The following CXADR variants were observed in gnomAD, a reference collection of about 807,000 sequenced individuals.
The protein encoded by CXADR is coxsackievirus and adenovirus receptor.
A neutral mutation model predicts 40.3 loss-of-function variants in CXADR; 20 were observed. The ratio of observed to expected loss-of-function variants is 0.50; its 90% CI spans 0.35 to 0.72. CXADR has a LOEUF of 0.72. Among genes scored for constraint, CXADR ranks in the 30% least tolerant of loss-of-function variants. The probability of loss-of-function intolerance (pLI) is 0.01; values close to 1 mark genes in which losing one functional copy is unlikely to be tolerated. For synonymous variants in CXADR, 150 were observed against 161.3 expected, an observed-to-expected ratio of 0.93 and a Z score of 0.53; for missense variants, 332 against 449.1, an observed-to-expected ratio of 0.74 and a Z score of 2.36.
Position 17,567,523 on chromosome 21 carries a change from A to T in CXADR, c.*1831A>T. On this transcript the variant is annotated 3_prime_UTR_variant, in exon 7 of 7. Coordinates refer to ENST00000284878, the MANE Select transcript of CXADR (RefSeq NM_001338.5). ...CTGTTTCTAAAAACACATCACTGTG[A>T]TACCTTTCTATCCTCACATTTTCAA... The T allele has an allele frequency of 1.0e-6, 1 of 985,382 alleles. No individual in the cohort carries two copies. Among genetic ancestry groups the T allele is most frequent in the South Asian group, 4.7e-5 (1 of 21,292 alleles). The allele number at this position is 985,382 out of a possible 1,614,324, so 61.0% of individuals were successfully genotyped here. A position where few individuals can be genotyped will look rare whatever the true frequency, so the allele number is the denominator to read the frequency against.
At chr21:17,550,984 T>C (rs930368450) in intron 2 of CXADR, among the ~76,000 whole-genome samples, 16 of 152,202 alleles carry the variant, frequency 1.1e-4, no homozygotes, top group Non-Finnish European at 1.9e-4. Context: ...AGTTATCTTT[T>C]TGTTAGATTC....
intron 7 of CXADR, among the ~76,000 whole-genome samples, chr21:17,591,765 A>G (rs1242895417): frequency 6.6e-6 from 1 of 151,974 alleles, no homozygotes; most frequent in Non-Finnish European, 1.5e-5. Flanking sequence ...GAAATTATGT[A>G]GTCATGTTTT....
chr21:17,550,720 C>A (rs1385321457), intron 2 of CXADR, among the ~76,000 whole-genome samples: 2 of 152,190 alleles, frequency 1.3e-5, no homozygotes, highest in Non-Finnish European at 2.9e-5. Context: ...CTACAGTTCT[C>A]TTCCAAGAAA....
the CXADR span, among the ~76,000 whole-genome samples, chr21:17,603,402 T>C: frequency 1.3e-5 from 2 of 152,156 alleles, no homozygotes; most frequent in Non-Finnish European, 2.9e-5. Context: ...TACATCTGGT[T>C]TCCAAAAGCA....
At chr21:17,617,066 C>T in the CXADR span, among the ~76,000 whole-genome samples, 1 of 152,180 alleles carries the variant, frequency 6.6e-6, no homozygotes, top group African/African-American at 2.4e-5. Context: ...ACTGTGGAAA[C>T]TTTCCTCCCT....
chr21:17,634,752 A>T, the CXADR span, among the ~76,000 whole-genome samples: 1 of 152,160 alleles, frequency 6.6e-6, no homozygotes, highest in East Asian at 1.9e-4. Flanking sequence ...TTTAATTTTT[A>T]ATTTTTTTTA....
chr21:17,543,673 T>C (rs1222714074), intron 1 of CXADR, among the ~76,000 whole-genome samples: 2 of 152,188 alleles, frequency 1.3e-5, no homozygotes, highest in African/African-American at 4.8e-5. Flanking sequence ...CTGAAATTGA[T>C]CAAATTTATA....
intron 1 of CXADR, among the ~76,000 whole-genome samples, chr21:17,522,542 T>C (rs1010376218): frequency 2.0e-5 from 3 of 152,246 alleles, no homozygotes; most frequent in Non-Finnish European, 4.4e-5. Flanking sequence ...TTCCATCCTT[T>C]GCAATCTAAT....
At chr21:17,536,652 A>T (rs1418855114) in intron 1 of CXADR, among the ~76,000 whole-genome samples, 1 of 152,238 alleles carries the variant, frequency 6.6e-6, no homozygotes, top group African/African-American at 2.4e-5. Context: ...GAATAGGGAC[A>T]TGTAAATACC....
intron 2 of CXADR, among the ~76,000 whole-genome samples, chr21:17,550,952 A>G (rs901867531): frequency 1.1e-4 from 16 of 152,202 alleles, no homozygotes; most frequent in Non-Finnish European, 2.1e-4. Flanking sequence ...AGTAACTCCA[A>G]CTTAGTATTA....
chr21:17,534,306 A>G (rs1267626538), intron 1 of CXADR, among the ~76,000 whole-genome samples: 8 of 151,694 alleles, frequency 5.3e-5, no homozygotes, highest in African/African-American at 1.5e-4. Context: ...CATGTGGGCC[A>G]GGCTGGTCTT....
Position 17,567,037 on chromosome 21 carries a change from G to A in CXADR, c.*1345G>A. On this transcript the variant is annotated 3_prime_UTR_variant, in exon 7 of 7. Coordinates refer to ENST00000284878, the MANE Select transcript of CXADR (RefSeq NM_001338.5). ...GCCAAATGTGCTAAATATCATTTTA[G>A]GAGAAGAAAGTGGGTTTATTGTATT... 1.0e-6 allele frequency: 1 copy of A among 982,942 alleles called. No homozygotes were observed. Among genetic ancestry groups the A allele is most frequent in the South Asian group, 4.7e-5 (1 of 21,240 alleles). The allele number at this position is 982,942 out of a possible 1,614,324, so 60.9% of individuals were successfully genotyped here.
At chr21:17,619,826 C>CT in the CXADR span, among the ~76,000 whole-genome samples, 2 of 127,620 alleles carry the variant, frequency 1.6e-5, no homozygotes, top group Non-Finnish European at 3.5e-5. Flanking sequence ...TCGCCTTGCA[C>CT]TTTTATGTTA....
chr21:17,551,112 T>A (rs2060961598), intron 2 of CXADR, among the ~76,000 whole-genome samples: 1 of 152,070 alleles, frequency 6.6e-6, no homozygotes, highest in African/African-American at 2.4e-5. Flanking sequence ...TATATAAGAA[T>A]GAGCAGGCCA....
At chr21:17,574,462 T>A (rs559570905), downstream of CXADR, among the ~76,000 whole-genome samples, 129 of 152,232 alleles carry the variant, frequency 8.5e-4, no homozygotes, top group African/African-American at 2.7e-3. Flanking sequence ...GGAGTAACTG[T>A]GTGGGAAATT....
intron 7 of CXADR, among the ~76,000 whole-genome samples, chr21:17,580,025 G>A (rs1003363816): frequency 6.6e-6 from 1 of 152,070 alleles, no homozygotes; most frequent in African/African-American, 2.4e-5. Context: ...ATCTTGCTAT[G>A]TTATCTAAGC....
chr21:17,614,782 A>G, the CXADR span, among the ~76,000 whole-genome samples: 1 of 152,214 alleles, frequency 6.6e-6, no homozygotes, highest in Non-Finnish European at 1.5e-5. Context: ...ACACTGTGAA[A>G]TAGACACATA....
In CXADR at chr21:17,566,167, C is replaced by T. The variant is rs9977913; in HGVS notation, c.*475C>T. The stretch of plus-strand genomic sequence containing the variant: ...GAAATATCCATGACAAAATTACTTA[C>T]GTATGTTTGTACTTGGTTTTACAGC... On this transcript the variant is annotated 3_prime_UTR_variant, in exon 7 of 7. Coordinates refer to ENST00000284878, the MANE Select transcript of CXADR (RefSeq NM_001338.5). The T allele has an allele frequency of 3.4e-3, 3,352 of 984,178 alleles. 99 individuals carry two copies. In the African/African-American group the frequency reaches 0.054, roughly 16 times the overall value. 61.0% of individuals were successfully genotyped at this position (984,178 alleles called of 1,614,324 possible). A position where few individuals can be genotyped will look rare whatever the true frequency, so the allele number is the denominator to read the frequency against.
At chr21:17,625,496 A>T in the CXADR span, among the ~76,000 whole-genome samples, 1 of 152,214 alleles carries the variant, frequency 6.6e-6, no homozygotes, top group Non-Finnish European at 1.5e-5. Flanking sequence ...TACAACTGTG[A>T]TATATAATTG....
Sources: gnomAD v4.1 joint callset for allele counts (sites outside exome capture counted in the v4.1 genomes callset) on GRCh38, gnomAD v4.1.1 for gene constraint, MANE v1.5 for transcripts, NCBI Gene and HGNC (gene_info 2026-07-23, HGNC 2026-07-21) for gene names.